Variants in GPR160 observed in about 807,000 individuals in gnomAD.
The protein encoded by GPR160 is G protein-coupled receptor 160.
In GPR160, 2 loss-of-function variants were observed where a neutral mutation model predicts 2.6. The ratio of observed to expected loss-of-function variants is 0.77; its 90% CI spans 0.32 to 2.44. The LOEUF is 2.44. Among genes scored for constraint, GPR160 ranks in the 30% most tolerant of loss-of-function variants. The pLI is 0.11. For missense variants in GPR160, 351 were observed against 383.6 expected (o/e 0.91, Z 0.71); for synonymous variants, 130 against 132.2 (o/e 0.98, Z 0.12).
intron 2 of GPR160, among the ~76,000 whole-genome samples, chr3:170,051,043 A>G (rs548773426): frequency 1.3e-5 from 2 of 152,272 alleles, no homozygotes; most frequent in Admixed American, 6.5e-5. Context: ...CTGCCAAACT[A>G]TTTTCCAAAA....
At chr3:170,055,698 G>A (rs1346010210) in intron 2 of GPR160, among the ~76,000 whole-genome samples, 3 of 151,986 alleles carry the variant, frequency 2.0e-5, no homozygotes, top group African/African-American at 7.3e-5. Flanking sequence ...GCAGTGGCGC[G>A]ATCCCGGCTC....
At chr3:170,072,797 G>A (rs1427625646) in intron 2 of GPR160, among the ~76,000 whole-genome samples, 1 of 152,168 alleles carries the variant, frequency 6.6e-6, no homozygotes, top group Non-Finnish European at 1.5e-5. Context: ...CCTCCCACTA[G>A]GCTCCACCTT....
rs781521940 is a variant in GPR160 at position 170,084,661 on chromosome 3, CCA to C, written c.690_691del (p.Ser231LeufsTer6). ...TTATATTTTCCTTTTTCATCCCACTCCAGTTATACTGTGAGATCTAAAAAAAT... is the reference window on the plus strand; with the variant it reads ...TTATATTTTCCTTTTTCATCCCACTCGTTATACTGTGAGATCTAAAAAAAT... On this transcript the variant is annotated frameshift_variant, in exon 4 of 4. Coordinates refer to ENST00000355897, the MANE Select transcript of GPR160 (RefSeq NM_014373.3). LOFTEE classifies it low-confidence loss of function (END_TRUNC). 1.2e-6 allele frequency: 2 copies of C among 1,608,582 alleles called. No individual in the cohort carries two copies. Among genetic ancestry groups the C allele is most frequent in the Non-Finnish European group, 1.7e-6 (2 of 1,175,302 alleles).
rs1388959972 is a variant in GPR160, at chr3:170,084,428, T to G, written c.456T>G (p.Ala152=). Reference sequence around the variant, plus strand: ...TTTTAATTTGGATTTCAGTCCTTGCTTATGTTTTGGGAGACCCAGCCATCT... The same window carrying G: ...TTTTAATTTGGATTTCAGTCCTTGCGTATGTTTTGGGAGACCCAGCCATCT... The part of the protein sequence containing the change: ...TVILIWISVL[A]YVLGDPAIYQ... Residue 152 remains alanine (A), a synonymous_variant, in exon 4 of 4, where the codon GCT becomes GCG. Transcript: ENST00000355897. 2 of 1,610,808 alleles carry G rather than the reference T, an allele frequency of 1.2e-6. No individual in the cohort carries two copies. The highest frequency in any genetic ancestry group is 2.2e-5 in the East Asian group (1 of 44,858).
At chr3:170,049,098 G>A (rs981357006) in intron 2 of GPR160, among the ~76,000 whole-genome samples, 8 of 152,220 alleles carry the variant, frequency 5.3e-5, no homozygotes, top group South Asian at 2.1e-4. Flanking sequence ...CTCCCTTAAC[G>A]TAAGACCGTG....
At chr3:170,045,827 C>T (rs1340048955) in intron 2 of GPR160, among the ~76,000 whole-genome samples, 3 of 152,168 alleles carry the variant, frequency 2.0e-5, no homozygotes, top group African/African-American at 7.2e-5. Context: ...AGTATGGACT[C>T]AGCCAGATCC....
At chr3:170,057,956 T>C (rs1711727457) in intron 2 of GPR160, 2 of 152,122 alleles carry the variant, frequency 1.3e-5, no homozygotes, top group Non-Finnish European at 2.9e-5. Context: ...GATATGGAGT[T>C]CAAAATTTGT....
intron 2 of GPR160, among the ~76,000 whole-genome samples, chr3:170,063,839 C>A (rs923292350): frequency 6.6e-6 from 1 of 152,206 alleles, no homozygotes; most frequent in Admixed American, 6.5e-5. Context: ...GAGCTCGTGG[C>A]CCTGAGCGCG....
chr3:170,058,957 G>C (rs1350126327), intron 2 of GPR160, among the ~76,000 whole-genome samples: 11 of 151,842 alleles, frequency 7.2e-5, no homozygotes. Flanking sequence ...GTCACAAAAA[G>C]TATATCTAAT....
intron 2 of GPR160, among the ~76,000 whole-genome samples, chr3:170,065,031 G>C (rs899481776): frequency 2.0e-5 from 3 of 152,184 alleles, no homozygotes; most frequent in African/African-American, 7.2e-5. Context: ...AGGATCTGAC[G>C]GGAGTGTAGA....
At chr3:170,044,381 TGA>T (rs1199164375) in intron 2 of GPR160, among the ~76,000 whole-genome samples, 1 of 148,858 alleles carries the variant, frequency 6.7e-6, no homozygotes, top group African/African-American at 2.5e-5. Context: ...TTTGAGGAAA[TGA>T]GAGTCTTGTG....
chr3:170,048,177 A>G (rs1716810585), intron 2 of GPR160, among the ~76,000 whole-genome samples: 2 of 152,260 alleles, frequency 1.3e-5, no homozygotes, highest in African/African-American at 4.8e-5. Flanking sequence ...ACGAAATGCC[A>G]TATGTTCTCA....
At chr3:170,044,516 G>A (rs1716615473) in intron 2 of GPR160, among the ~76,000 whole-genome samples, 1 of 152,118 alleles carries the variant, frequency 6.6e-6, no homozygotes, top group African/African-American at 2.4e-5. Context: ...CAAGAATGGA[G>A]TAGGTGTGGG....
intron 2 of GPR160, among the ~76,000 whole-genome samples, chr3:170,066,559 T>G (rs1459685995): frequency 6.6e-6 from 1 of 152,226 alleles, no homozygotes; most frequent in Non-Finnish European, 1.5e-5. Context: ...GTTCCTCATT[T>G]TTAAAAGAGA....
chr3:170,062,600 G>A (rs1203959089), intron 2 of GPR160: 2 of 1,195,840 alleles, frequency 1.7e-6, no homozygotes, highest in Non-Finnish European at 2.4e-6. Flanking sequence ...AAAATGTGAA[G>A]CAGCAGAACT....
chr3:170,038,880 C>G lies in GPR160; in HGVS notation c.-321-35C>G, dbSNP rs991862555. On this transcript the variant is annotated intron_variant, in intron 1 of 3. Transcript: ENST00000355897. This position sits in a 1 kb window ranked among gnomAD's most constrained non-coding sequence, Gnocchi z 5.3. ...GATTACCTGCGACCACCCCCAGGAA[C>G]CCGGAGACTGAAACTCCTTTTCTCA... The G allele has an allele frequency of 6.6e-6, 1 of 152,106 alleles. No homozygotes were observed. Among genetic ancestry groups the G allele is most frequent in the African/African-American group, 2.4e-5 (1 of 41,420 alleles). The allele number at this position is 152,106 out of a possible 1,614,324, so 9.4% of individuals were successfully genotyped here.
At position 170,068,562 on chromosome 3, in the gene GPR160, T is replaced by C. The variant is rs537652123; in HGVS notation, c.-192-11212T>C. Among the ~76,000 whole-genome samples the C allele has an allele frequency of 2.6e-3, 390 of 152,330 alleles. 2 individuals carry two copies. Among genetic ancestry groups the C allele is most frequent in the African/African-American group, 9.0e-3 (375 of 41,580 alleles). On this transcript the variant is annotated intron_variant, in intron 2 of 3. Transcript: ENST00000355897. ...ATTGGTCCTCCATGTTTCTTAACTA[T>C]TTCTCTTTTTATTTCACTTTTTCTA...
At chr3:170,056,360 T>C (rs3772176) in intron 2 of GPR160, among the ~76,000 whole-genome samples, 1 of 152,248 alleles carries the variant, frequency 6.6e-6, no homozygotes, top group East Asian at 1.9e-4. Context: ...ATTGTGTCAG[T>C]GTAACCTGAT....
chr3:170,083,920 C>T lies in GPR160; in HGVS notation c.-53C>T. ...TTTTTTGCAGGGACAGAAAATGAAG[C>T]AGTGTTTTATCATGTGTATTTCAGC... On this transcript the variant is annotated 5_prime_UTR_variant, in exon 4 of 4. An upstream open reading frame in the 5' UTR gains an earlier in-frame stop. Coordinates refer to ENST00000355897, the MANE Select transcript of GPR160 (RefSeq NM_014373.3). 2.1e-6 allele frequency: 2 copies of T among 962,400 alleles called. No individual in the cohort carries two copies. Among genetic ancestry groups the T allele is most frequent in the Non-Finnish European group, 2.9e-6 (2 of 687,410 alleles). 59.6% of individuals were successfully genotyped at this position (962,400 alleles called of 1,614,324 possible).
Sources: allele counts gnomAD v4.1 joint callset (sites outside exome capture counted in the v4.1 genomes callset), GRCh38; gene constraint gnomAD v4.1.1; non-coding constraint Gnocchi (gnomAD v3.1); transcripts MANE v1.5; gene names NCBI Gene and HGNC (gene_info 2026-07-23, HGNC 2026-07-21).